CHODL: variants seen among roughly 807,000 people sequenced by gnomAD.
CHODL encodes chondrolectin.
A neutral mutation model predicts 34.5 loss-of-function variants in CHODL; 29 were observed. The ratio of observed to expected loss-of-function variants is 0.84; its 90% CI spans 0.63 to 1.15. CHODL has a LOEUF of 1.15. Among genes scored for constraint, CHODL ranks in the 50% most tolerant of loss-of-function variants. The pLI, the probability that CHODL is intolerant of heterozygous loss-of-function variation, is 0.00. For synonymous variants in CHODL, 125 were observed against 116.1 expected (o/e 1.08, Z -0.49); for missense variants, 332 against 332.5 (o/e 1.00, Z 0.01).
At chr21:18,044,473 T>G (rs1468096304) in intron 2 of CHODL, among the ~76,000 whole-genome samples, 1 of 151,974 alleles carries the variant, frequency 6.6e-6, no homozygotes, top group Non-Finnish European at 1.5e-5. Context: ...ATTTTCCTGC[T>G]GTTTTAACTA....
intron 2 of CHODL, among the ~76,000 whole-genome samples, chr21:18,096,252 T>C (rs2065138363): frequency 6.6e-6 from 1 of 152,142 alleles, no homozygotes; most frequent in African/African-American, 2.4e-5. Context: ...CCTGTGATGA[T>C]TGTGTTATCT....
chr21:17,930,927 C>T (rs1197598627), intron 1 of CHODL, among the ~76,000 whole-genome samples: 2 of 152,186 alleles, frequency 1.3e-5, no homozygotes, highest in Non-Finnish European at 2.9e-5. Flanking sequence ...TGAAGAATCA[C>T]GGGACAGGTG....
intron 2 of CHODL, among the ~76,000 whole-genome samples, chr21:18,066,710 G>A (rs1476870380): frequency 6.6e-6 from 1 of 152,016 alleles, no homozygotes; most frequent in African/African-American, 2.4e-5. Flanking sequence ...TAGTACCTCC[G>A]AATGTGACTT....
At chr21:18,240,683 A>G (rs767070400), upstream of CHODL, among the ~76,000 whole-genome samples, 3 of 152,218 alleles carry the variant, frequency 2.0e-5, no homozygotes, top group African/African-American at 4.8e-5. Flanking sequence ...GGTTTATACC[A>G]GATTACCAGC....
At chr21:17,948,034 G>A (rs567049507) in intron 1 of CHODL, among the ~76,000 whole-genome samples, 5 of 152,150 alleles carry the variant, frequency 3.3e-5, no homozygotes, top group Admixed American at 6.5e-5. Flanking sequence ...CATTATTTAC[G>A]TGCAACAACT....
chr21:18,168,970 C>T (rs956451739), intron 2 of CHODL, among the ~76,000 whole-genome samples: 1 of 152,006 alleles, frequency 6.6e-6, no homozygotes, highest in African/African-American at 2.4e-5. Flanking sequence ...CAACTTCTTT[C>T]TTTTACTTGT....
intron 2 of CHODL, among the ~76,000 whole-genome samples, chr21:18,111,425 G>A (rs1451850394): frequency 6.6e-6 from 1 of 152,304 alleles, no homozygotes; most frequent in South Asian, 2.1e-4. Flanking sequence ...TGTCGGCTAC[G>A]CCAGCATGGG....
intron 2 of CHODL, among the ~76,000 whole-genome samples, chr21:18,174,720 A>G: frequency 6.6e-6 from 1 of 152,200 alleles, no homozygotes; most frequent in Non-Finnish European, 1.5e-5. Context: ...CTAACCTGGC[A>G]GAGCTTGTTT....
chr21:18,112,184 T>C (rs570139055), intron 2 of CHODL, among the ~76,000 whole-genome samples: 1 of 152,258 alleles, frequency 6.6e-6, no homozygotes, highest in East Asian at 1.9e-4. Flanking sequence ...TGCAGAGGAT[T>C]GGCATGAATA....
chr21:17,964,981 A>G (rs1600839029), intron 1 of CHODL, among the ~76,000 whole-genome samples: 1 of 152,334 alleles, frequency 6.6e-6, no homozygotes, highest in Non-Finnish European at 1.5e-5. Context: ...CCATCAGTAA[A>G]TAACAGTTTG....
At chr21:18,158,851 AAAAAG>A (rs1464279382) in intron 2 of CHODL, among the ~76,000 whole-genome samples, 1 of 151,516 alleles carries the variant, frequency 6.6e-6, no homozygotes, top group African/African-American at 2.4e-5. Flanking sequence ...AAAAAAAAAA[AAAAAG>A]AAGAAGAAAA....
chr21:18,096,167 C>T (rs547026429), intron 2 of CHODL, among the ~76,000 whole-genome samples: 45 of 152,298 alleles, frequency 3.0e-4, no homozygotes, highest in Non-Finnish European at 5.3e-4. Context: ...AATCAATACT[C>T]TTGTAATTTC....
chr21:18,245,415 G>T, intron 1 of CHODL, 113 bp downstream of exon 1: 2 of 801,812 alleles, frequency 2.5e-6, no homozygotes, highest in Non-Finnish European at 3.8e-6. Context: ...CCTGCATGGT[G>T]TAAGGACCCG....
intron 2 of CHODL, among the ~76,000 whole-genome samples, chr21:18,148,773 CT>C (rs11312736): frequency 0.083 from 12,630 of 151,892 alleles, 692 homozygotes; most frequent in Middle Eastern, 0.2. Context: ...TATAAGAAAT[CT>C]TTCTATTAAC....
intron 1 of CHODL, among the ~76,000 whole-genome samples, chr21:17,933,088 T>C (rs1008917201): frequency 3.3e-5 from 5 of 152,226 alleles, no homozygotes; most frequent in African/African-American, 1.2e-4. Context: ...GCTGCCCGCC[T>C]GTCCCACCTC....
intron 1 of CHODL, among the ~76,000 whole-genome samples, chr21:17,963,353 G>A (rs112859470): frequency 2.2e-4 from 34 of 152,274 alleles, no homozygotes; most frequent in African/African-American, 2.9e-4. Context: ...GTCCATTTTC[G>A]TACTGCTCTG....
intron 1 of CHODL, among the ~76,000 whole-genome samples, chr21:17,962,856 G>T (rs995098717): frequency 6.6e-5 from 10 of 152,024 alleles, no homozygotes; most frequent in African/African-American, 2.4e-4. Context: ...GAGGTCAGGA[G>T]ATCGAGACCA....
intron 1 of CHODL, among the ~76,000 whole-genome samples, chr21:17,943,278 G>T (rs1236325438): frequency 6.6e-6 from 1 of 152,210 alleles, no homozygotes; most frequent in African/African-American, 2.4e-5. Context: ...CTAGGGGGAA[G>T]AAATTCTGCT....
At chr21:17,992,187 C>G (rs530206377) in intron 1 of CHODL, among the ~76,000 whole-genome samples, 2 of 152,108 alleles carry the variant, frequency 1.3e-5, no homozygotes, top group South Asian at 2.1e-4. Context: ...GCCTATATGT[C>G]TGTTTTTTAT....
Sources: allele counts gnomAD v4.1 joint callset (sites outside exome capture counted in the v4.1 genomes callset), GRCh38; gene constraint gnomAD v4.1.1; transcripts MANE v1.5; gene names NCBI Gene and HGNC (gene_info 2026-07-23, HGNC 2026-07-21).